Variants in TSHZ2 observed in about 807,000 individuals in gnomAD.
TSHZ2 encodes teashirt homolog 2.
A neutral mutation model predicts 74.4 loss-of-function variants in TSHZ2; 21 were observed. The ratio of observed to expected loss-of-function variants is 0.28; its 90% CI spans 0.20 to 0.41. The LOEUF is 0.41. Ranked by LOEUF, TSHZ2 falls within the 10% of genes least tolerant of loss-of-function variation. The pLI is 1.00. For missense variants in TSHZ2, 1,244 were observed against 1,293.5 expected (o/e 0.96, Z 0.59); for synonymous variants, 540 against 515.3 (o/e 1.05, Z -0.65).
chr20:52,998,815 A>G (rs1428368946), intron 1 of TSHZ2, among the ~76,000 whole-genome samples: 1 of 152,232 alleles, frequency 6.6e-6, no homozygotes, highest in Non-Finnish European at 1.5e-5. Flanking sequence ...GCGTGCTCTC[A>G]GGACATATAA....
chr20:52,980,846 ATATCTC>A (rs1291066436), intron 1 of TSHZ2, among the ~76,000 whole-genome samples: 5 of 152,216 alleles, frequency 3.3e-5, no homozygotes, highest in Non-Finnish European at 5.9e-5. Flanking sequence ...TGGCATATAA[ATATCTC>A]TATATAAACT....
intron 1 of TSHZ2, among the ~76,000 whole-genome samples, chr20:53,155,075 T>C (rs1019140563): frequency 3.7e-5 from 5 of 133,370 alleles, no homozygotes; most frequent in Non-Finnish European, 6.2e-5. Context: ...TTTTTTTTTT[T>C]AGTTTTGTCA....
chr20:53,299,026 T>C (rs1021015935), intron 2 of TSHZ2, among the ~76,000 whole-genome samples: 3 of 152,182 alleles, frequency 2.0e-5, no homozygotes, highest in South Asian at 4.1e-4. Flanking sequence ...AATTTCACAA[T>C]CCCAAGAGTC....
chr20:53,362,047 G>A (rs1981078128), intron 2 of TSHZ2, among the ~76,000 whole-genome samples: 1 of 151,922 alleles, frequency 6.6e-6, no homozygotes, highest in Admixed American at 6.6e-5. Context: ...AGTCTCCCGA[G>A]TAGCTGGGGT....
intron 1 of TSHZ2, among the ~76,000 whole-genome samples, chr20:53,232,800 G>C (rs187047650): frequency 6.6e-6 from 1 of 151,976 alleles, no homozygotes; most frequent in Non-Finnish European, 1.5e-5. Context: ...GCCAAGCACC[G>C]TGTGAAGCAC....
chr20:53,462,774 C>T (rs1401022101), intron 2 of TSHZ2, among the ~76,000 whole-genome samples: 3 of 152,162 alleles, frequency 2.0e-5, no homozygotes, highest in African/African-American at 4.8e-5. Flanking sequence ...GATGGCAGAA[C>T]ACATGCTTGG....
intron 1 of TSHZ2, among the ~76,000 whole-genome samples, chr20:53,050,163 A>ATG (rs1555819350): frequency 1.5e-5 from 2 of 132,220 alleles, no homozygotes; most frequent in African/African-American, 3.0e-5. Flanking sequence ...ACACATATAT[A>ATG]TGTACATATA....
chr20:53,324,865 CTG>C (rs1471551784), intron 2 of TSHZ2, among the ~76,000 whole-genome samples: 6 of 152,340 alleles, frequency 3.9e-5, no homozygotes, highest in Non-Finnish European at 8.8e-5. Flanking sequence ...GGCTTCAACC[CTG>C]TGTCGGGACA....
intron 1 of TSHZ2, among the ~76,000 whole-genome samples, chr20:52,986,208 G>A (rs1981749463): frequency 6.6e-6 from 1 of 151,474 alleles, no homozygotes; most frequent in African/African-American, 2.4e-5. Context: ...TGACCAACAT[G>A]GCGAAACCCC....
intron 2 of TSHZ2, among the ~76,000 whole-genome samples, chr20:53,372,217 C>T (rs1482414022): frequency 1.3e-5 from 2 of 152,074 alleles, no homozygotes; most frequent in Non-Finnish European, 2.9e-5. Flanking sequence ...TGGCTCATGC[C>T]GTAATCCTAG....
At chr20:53,159,322 A>T (rs1485663941) in intron 1 of TSHZ2, among the ~76,000 whole-genome samples, 2 of 152,170 alleles carry the variant, frequency 1.3e-5, no homozygotes, top group African/African-American at 4.8e-5. Flanking sequence ...CCAGCCCAAC[A>T]TCTGTTTTTG....
intron 1 of TSHZ2, among the ~76,000 whole-genome samples, chr20:53,014,508 C>A (rs914344760): frequency 2.0e-5 from 3 of 152,052 alleles, no homozygotes; most frequent in Admixed American, 2.0e-4. Flanking sequence ...ATTTGGGGAC[C>A]AGGTGGTGAC....
intron 2 of TSHZ2, among the ~76,000 whole-genome samples, chr20:53,384,604 T>C (rs156624): frequency 0.9 from 136,921 of 152,152 alleles, 61,787 homozygotes; most frequent in African/African-American, 0.95. Flanking sequence ...CTTGACCTCT[T>C]TGGGCCTGTG....
chr20:53,442,405 G>A (rs1396982314), intron 2 of TSHZ2, among the ~76,000 whole-genome samples: 5 of 152,020 alleles, frequency 3.3e-5, no homozygotes, highest in Admixed American at 6.5e-5. Context: ...TAGGCCACTC[G>A]AAGCTGCACT....
chr20:53,423,191 G>C (rs886409625), intron 2 of TSHZ2, among the ~76,000 whole-genome samples: 1 of 152,162 alleles, frequency 6.6e-6, no homozygotes, highest in African/African-American at 2.4e-5. Flanking sequence ...TTGAGGTCAG[G>C]AGTTTGAGAA....
chr20:53,307,719 A>G lies in TSHZ2; in HGVS notation c.*8+51148A>G, dbSNP rs6022382. On this transcript the variant is annotated intron_variant, in intron 2 of 2. Transcript: ENST00000371497. Reference sequence around the variant, plus strand: ...ATTTTACATAGGTTCACACCCATTTAACCACCCGCCAGATCAAAATATGAA... The same window carrying G: ...ATTTTACATAGGTTCACACCCATTTGACCACCCGCCAGATCAAAATATGAA... Among the ~76,000 whole-genome samples the G allele has an allele frequency of 7.8e-3, 1,186 of 152,336 alleles. 15 individuals carry two copies. Among genetic ancestry groups the G allele is most frequent in the African/African-American group, 0.028 (1,147 of 41,574 alleles).
At chr20:53,042,275 C>G (rs1042171285) in intron 1 of TSHZ2, among the ~76,000 whole-genome samples, 2 of 152,100 alleles carry the variant, frequency 1.3e-5, no homozygotes, top group African/African-American at 4.8e-5. Flanking sequence ...ATCTGAAGTT[C>G]ATCTTTTTAG....
rs563884314 is a variant in TSHZ2, at chr20:53,074,842, A to G, written c.40+101509A>G. Reference sequence around the variant, plus strand: ...TTAGTCCCATTTAACAGATGAAGCAATTGAGGCTTAGAGAAGCAAATGACT... The same window carrying G: ...TTAGTCCCATTTAACAGATGAAGCAGTTGAGGCTTAGAGAAGCAAATGACT... On this transcript the variant is annotated intron_variant, in intron 1 of 2. Transcript: ENST00000371497. The surrounding 1 kb of genome is among the most constrained non-coding windows in gnomAD (Gnocchi z 5.9). Among the ~76,000 whole-genome samples, 2 of 152,338 alleles carry G rather than the reference A, an allele frequency of 1.3e-5. No homozygotes were observed. The highest frequency in any genetic ancestry group is 4.1e-4 in the South Asian group (2 of 4,828).
At chr20:53,426,620 GGAA>G (rs1353779058) in intron 2 of TSHZ2, among the ~76,000 whole-genome samples, 2 of 152,054 alleles carry the variant, frequency 1.3e-5, no homozygotes, top group African/African-American at 2.4e-5. Flanking sequence ...TTATTTTAGC[GGAA>G]GTTTCAGCGC....
Sources: gnomAD v4.1 joint callset for allele counts (sites outside exome capture counted in the v4.1 genomes callset) on GRCh38, gnomAD v4.1.1 for gene constraint, Gnocchi (gnomAD v3.1) non-coding constraint, MANE v1.5 for transcripts, NCBI Gene and HGNC (gene_info 2026-07-23, HGNC 2026-07-21) for gene names.